ITGA5: variants seen among roughly 807,000 people sequenced by gnomAD.
The protein encoded by ITGA5 is integrin subunit alpha 5.
In ITGA5, 55 loss-of-function variants were observed where a neutral mutation model predicts 146.3. The ratio of observed to expected loss-of-function variants is 0.38; its 90% CI spans 0.30 to 0.47. The LOEUF (loss-of-function observed/expected upper bound fraction) is 0.47, where lower values mean the gene tolerates loss of function less well. Ranked by LOEUF, ITGA5 falls within the 20% of genes least tolerant of loss-of-function variation. ITGA5 has a pLI of 0.99. For missense variants in ITGA5, 1,131 were observed against 1,329.0 expected (o/e 0.85, Z 2.32); for synonymous variants, 500 against 531.8 (o/e 0.94, Z 0.82).
rs747181914 is a variant in ITGA5, at chr12:54,419,213, C to T, written c.-15G>A. ...CGGCTCCCCATAGCGCCCGCTCTTC[C>T]CTGTCCTGGGGCCACCGACCCGGAG... On this transcript the variant is annotated 5_prime_UTR_variant, in exon 1 of 30. Coordinates refer to ENST00000293379, the MANE Select transcript of ITGA5 (RefSeq NM_002205.5). 3 of 1,551,526 alleles carry T rather than the reference C, an allele frequency of 1.9e-6. No homozygotes were observed. Among genetic ancestry groups the T allele is most frequent in the South Asian group, 1.2e-5 (1 of 85,042 alleles).
intron 2 of ITGA5, 43 bp downstream of exon 2, chr12:54,411,791 G>T: frequency 7.1e-7 from 1 of 1,410,230 alleles, no homozygotes; most frequent in South Asian, 1.6e-5. Flanking sequence ...CCCCCAGGCT[G>T]CAGTCCCACC....
chr12:54,411,804 C>G (rs771447254), intron 2 of ITGA5, 30 bp downstream of exon 2: 44 of 1,471,222 alleles, frequency 3.0e-5, no homozygotes, highest in Non-Finnish European at 4.0e-5. Context: ...GTCCCACCCC[C>G]CAGTCCCTCC....
intron 1 of ITGA5, chr12:54,412,609 G>C (rs1004758145): frequency 1.3e-5 from 2 of 152,568 alleles, no homozygotes; most frequent in African/African-American, 4.8e-5. Context: ...CTGGGTCTGT[G>C]TTTCAGCCCT....
intron 1 of ITGA5, among the ~76,000 whole-genome samples, chr12:54,418,225 A>T (rs1047240258): frequency 1.4e-5 from 2 of 141,952 alleles, no homozygotes; most frequent in Admixed American, 1.4e-4. Flanking sequence ...GCGCGCACAC[A>T]CCCCTCCCGA....
At position 54,416,227 on chromosome 12, in the gene ITGA5, G is replaced by A. The variant is rs1001132557; in HGVS notation, c.218+2754C>T. On this transcript the variant is annotated intron_variant, in intron 1 of 29. Coordinates refer to ENST00000293379, the MANE Select transcript of ITGA5 (RefSeq NM_002205.5). This position sits in a 1 kb window ranked among gnomAD's most constrained non-coding sequence, Gnocchi z 4.1. ...TGGGATTACAGGTGCGTGCCAGCACGCTCGGCTAATTTTTTTATTTTTAGT... is the reference window on the plus strand; with the variant it reads ...TGGGATTACAGGTGCGTGCCAGCACACTCGGCTAATTTTTTTATTTTTAGT... Among the ~76,000 whole-genome samples the A allele has an allele frequency of 6.6e-6, 1 of 152,114 alleles. No individual in the cohort carries two copies. Among genetic ancestry groups the A allele is most frequent in the Admixed American group, 6.6e-5 (1 of 15,260 alleles).
rs145163115 is a variant in ITGA5, at chr12:54,406,080, A to G, written c.907-154T>C. The G allele has an allele frequency of 2.0e-3, 1,368 of 673,218 alleles. 20 individuals are homozygous for G. In the African/African-American group the frequency reaches 0.022, roughly 11 times the overall value. 41.7% of individuals were successfully genotyped at this position (673,218 alleles called of 1,614,324 possible). ...TCTTCAGCTTTGCCCTCATATTCCC[A>G]CCTCTATGCCAGGTAGTTCCACCCT... is the stretch of plus-strand genomic sequence containing the variant. On this transcript the variant is annotated intron_variant, in intron 9 of 29. Coordinates refer to ENST00000293379, the MANE Select transcript of ITGA5 (RefSeq NM_002205.5).
Position 54,399,639 on chromosome 12 carries a change from C to T in ITGA5, c.2841+6G>A. ...AGGGGTCAGGGCTGAGGTAAGGCTC[C>T]CTCACCTGCAAGAAAGTCTTGGCCC... On this transcript the variant is annotated splice_donor_region_variant and intron_variant, in intron 27 of 29. Transcript: ENST00000293379. 6.2e-7 allele frequency: 1 copy of T among 1,608,798 alleles called. No individual in the cohort carries two copies. Among genetic ancestry groups the T allele is most frequent in the Non-Finnish European group, 8.5e-7 (1 of 1,175,088 alleles).
At chr12:54,404,072 T>C (rs1459236759) in intron 15 of ITGA5, 73 bp downstream of exon 15, 7 of 1,564,872 alleles carry the variant, frequency 4.5e-6, no homozygotes, top group Admixed American at 1.7e-5. Context: ...CATTTTCCCC[T>C]TTTTAAGGCA....
rs779964082 is a variant in ITGA5, at chr12:54,404,461, A to G, written c.1432T>C (p.Ser478Pro). The G allele has an allele frequency of 6.2e-7, 1 of 1,614,114 alleles. No individual in the cohort carries two copies. The highest frequency in any genetic ancestry group is 1.1e-5 in the South Asian group (1 of 91,076). ...GNGYPDLIVG[S>P]FGVDKAVVYR... Reference sequence around the variant, plus strand: ...ACCACAGCCTTGTCCACACCAAAGGACCCCACAATCAGATCTGTAAGAAGT... The same window carrying G: ...ACCACAGCCTTGTCCACACCAAAGGGCCCCACAATCAGATCTGTAAGAAGT... Residue 478 changes from serine to proline, a missense_variant, in exon 14 of 30, where the codon TCC becomes CCC. Transcript: ENST00000293379.
intron 14 of ITGA5, 48 bp from the exon 15 acceptor site, chr12:54,404,294 C>A (rs1409762463): frequency 6.3e-7 from 1 of 1,584,246 alleles, no homozygotes. Context: ...TCCTCTGTAA[C>A]CTGGACACAG....
chr12:54,398,765 C>T (rs576679952), intron 27 of ITGA5, 67 bp from the exon 28 acceptor site: 46 of 1,020,292 alleles, frequency 4.5e-5, no homozygotes, highest in Admixed American at 1.2e-4. Flanking sequence ...GGTTCCCCAT[C>T]GTCTGGCTGG....
At chr12:54,398,458 C>T (rs2120463785) in intron 28 of ITGA5, 139 bp downstream of exon 28, 1 of 611,352 alleles carries the variant, frequency 1.6e-6, no homozygotes, top group Non-Finnish European at 2.9e-6. Flanking sequence ...CTGTCTCTGG[C>T]ATCTGCACAG....
In ITGA5 at chr12:54,409,437, A is replaced by C. The variant is rs936881137; in HGVS notation, c.462+48T>G. The C allele has an allele frequency of 1.9e-6, 3 of 1,610,006 alleles. No individual in the cohort carries two copies. The highest frequency in any genetic ancestry group is 2.5e-6 in the Non-Finnish European group (3 of 1,177,226). On this transcript the variant is annotated intron_variant, in intron 3 of 29. Transcript: ENST00000293379. This position sits in a 1 kb window ranked among gnomAD's most constrained non-coding sequence, Gnocchi z 4.7. ...CCTCCAGGCCCGGCCTTACCCAACC[A>C]CTGCCCATCCCCTGGCCACCACACC...
Position 54,407,601 on chromosome 12 carries a change from T to G in ITGA5, c.906+48A>C. The stretch of plus-strand genomic sequence containing the variant: ...GCAAACTGCCATGCACGGTTCTTTG[T>G]GATTAGGCAGGGGAGGAGAGGAAGT... On this transcript the variant is annotated intron_variant, in intron 9 of 29. Coordinates refer to ENST00000293379, the MANE Select transcript of ITGA5 (RefSeq NM_002205.5). 17 of 1,528,784 alleles carry G rather than the reference T, an allele frequency of 1.1e-5. 1 individual carries two copies. The highest frequency in any genetic ancestry group is 1.5e-5 in the Non-Finnish European group (16 of 1,102,458). The allele number at this position is 1,528,784 out of a possible 1,614,324, so 94.7% of individuals were successfully genotyped here.
At chr12:54,407,796 C>T (rs1351528967) in intron 8 of ITGA5, 36 bp downstream of exon 8, 1 of 1,609,902 alleles carries the variant, frequency 6.2e-7, no homozygotes, top group Non-Finnish European at 8.5e-7. Context: ...CTCTAACCAT[C>T]CCCCTCCCTT....
chr12:54,408,074 C>A, intron 7 of ITGA5, 36 bp downstream of exon 7: 1 of 1,612,882 alleles, frequency 6.2e-7, no homozygotes, highest in Non-Finnish European at 8.5e-7. Context: ...ACTTGAGGTT[C>A]TCCCTCTGCC....
Position 54,399,663 on chromosome 12 carries a change from C to A in ITGA5, c.2823G>T (p.Trp941Cys), listed in dbSNP as rs1481432817. The A allele has an allele frequency of 1.2e-6, 2 of 1,613,944 alleles. No homozygotes were observed. Among genetic ancestry groups the A allele is most frequent in the South Asian group, 2.2e-5 (2 of 91,066 alleles). The change falls in exon 27 of 30, where the codon TGG becomes TGT. Residue 941 changes from tryptophan to cysteine, a missense_variant. Physicochemically the swap from Trp to Cys is radical, Grantham distance 215. Coordinates refer to ENST00000293379, the MANE Select transcript of ITGA5 (RefSeq NM_002205.5). ...SQSLQLHFRV[W>C]AKTFLQREHQ... The stretch of plus-strand genomic sequence containing the variant: ...CCCTCACCTGCAAGAAAGTCTTGGC[C>A]CAGACTCGGAAATGCAACTGCAGAC...
rs1445657858 is a variant in ITGA5, at chr12:54,396,290, G to T, written c.*3C>A. On this transcript the variant is annotated 3_prime_UTR_variant, in exon 30 of 30. Transcript: ENST00000293379. ...AGGAATGGGAGTCTGAAATTGGGAG[G>T]ACTCAGGCATCAGAGGTGGCTGGAG... 1 of 1,609,790 alleles carries T rather than the reference G, an allele frequency of 6.2e-7. No homozygotes were observed. The highest frequency in any genetic ancestry group is 2.2e-5 in the East Asian group (1 of 44,856).
chr12:54,399,792 C>A (rs753127929), intron 26 of ITGA5, 34 bp from the exon 27 acceptor site: 3 of 1,607,428 alleles, frequency 1.9e-6, no homozygotes, highest in Non-Finnish European at 1.7e-6. Context: ...TGGTGTTCTG[C>A]CCTTGTGATG....
Sources: gnomAD v4.1 joint callset for allele counts (sites outside exome capture counted in the v4.1 genomes callset) on GRCh38, gnomAD v4.1.1 for gene constraint, Gnocchi (gnomAD v3.1) non-coding constraint, MANE v1.5 for transcripts, NCBI Gene and HGNC (gene_info 2026-07-23, HGNC 2026-07-21) for gene names.